KBTBD12: variants seen among roughly 807,000 people sequenced by gnomAD.
The protein encoded by KBTBD12 is kelch repeat and BTB domain containing 12.
A neutral mutation model predicts 58.7 loss-of-function variants in KBTBD12; 53 were observed. The observed-to-expected ratio is 0.90, with a 90% CI of 0.72 to 1.14. The LOEUF is 1.14. KBTBD12 is among the 50% of genes most tolerant of loss of function. The pLI is 0.00. For synonymous variants in KBTBD12, 236 were observed against 259.8 expected (o/e 0.91, Z 0.88); for missense variants, 704 against 751.3 (o/e 0.94, Z 0.74).
At chr3:127,924,363 A>G (rs1011662799) in intron 2 of KBTBD12, among the ~76,000 whole-genome samples, 31 of 148,446 alleles carry the variant, frequency 2.1e-4, no homozygotes, top group Non-Finnish European at 5.9e-5. Context: ...ATAAAAATAT[A>G]TAAATATATA....
At chr3:127,960,780 G>A (rs1223224863) in intron 4 of KBTBD12, among the ~76,000 whole-genome samples, 1 of 152,230 alleles carries the variant, frequency 6.6e-6, no homozygotes, top group Non-Finnish European at 1.5e-5. Flanking sequence ...CACTCCTTGA[G>A]TGGAGCGTGT....
At chr3:127,962,504 C>T (rs1277737995) in intron 4 of KBTBD12, among the ~76,000 whole-genome samples, 1 of 152,202 alleles carries the variant, frequency 6.6e-6, no homozygotes, top group Non-Finnish European at 1.5e-5. Context: ...AAACACGGCC[C>T]TTTCCATCCT....
At chr3:127,959,274 C>T (rs1376927404) in intron 4 of KBTBD12, among the ~76,000 whole-genome samples, 1 of 152,200 alleles carries the variant, frequency 6.6e-6, no homozygotes, top group African/African-American at 2.4e-5. Context: ...ATTGCAAAAT[C>T]CTTTTCTATT....
At chr3:127,952,684 C>T (rs1428502640) in intron 4 of KBTBD12, among the ~76,000 whole-genome samples, 1 of 152,186 alleles carries the variant, frequency 6.6e-6, no homozygotes, top group Non-Finnish European at 1.5e-5. Flanking sequence ...AATACTCAGA[C>T]ACTTGTTTTA....
At position 127,942,222 on chromosome 3, in the gene KBTBD12, T is replaced by A. The variant is rs1207259253; in HGVS notation, c.1492+11939T>A. Among the ~76,000 whole-genome samples, 3 of 152,324 alleles carry A rather than the reference T, an allele frequency of 2.0e-5. No homozygotes were observed. In the East Asian group the frequency reaches 5.8e-4, roughly 29 times the overall value. ...ATACAACATATTTTGATATACATAG[T>A]CAAAAGATTACTATAATCAAGCTAA... is the stretch of plus-strand genomic sequence containing the variant. On this transcript the variant is annotated intron_variant, in intron 4 of 5. Coordinates refer to ENST00000405109, the MANE Select transcript of KBTBD12 (RefSeq NM_207335.4).
At chr3:127,970,378 GGTTGACACAGA>G (rs1940661038) in intron 5 of KBTBD12, among the ~76,000 whole-genome samples, 1 of 152,130 alleles carries the variant, frequency 6.6e-6, no homozygotes, top group South Asian at 2.1e-4. Context: ...TTCCTCAAGA[GGTTGACACAGA>G]GTTGCCATAC....
Position 127,923,504 on chromosome 3 carries a change from T to C in KBTBD12, c.443T>C (p.Leu148Ser). The C allele has an allele frequency of 1.9e-6, 3 of 1,611,216 alleles. No homozygotes were observed. The highest frequency in any genetic ancestry group is 2.2e-5 in the South Asian group (2 of 90,850). Residue 148 changes from leucine to serine, a missense_variant, in exon 2 of 6, where the codon TTA becomes TCA. By Grantham distance (145) the Leu-to-Ser change is moderately radical (BLOSUM62 -2). Transcript: ENST00000405109. Reference sequence around the variant, plus strand: ...GCAAAGCAGATTGGAGCTGAAGATTTATCTGATCGATCAAAGAAATATTTA... The same window carrying C: ...GCAAAGCAGATTGGAGCTGAAGATTCATCTGATCGATCAAAGAAATATTTA... Reference protein sequence around the residue: ...YFAKQIGAEDLSDRSKKYLYQ... With the variant: ...YFAKQIGAEDSSDRSKKYLYQ...
intron 4 of KBTBD12, among the ~76,000 whole-genome samples, chr3:127,930,746 T>A (rs1298800185): frequency 6.6e-6 from 1 of 152,178 alleles, no homozygotes; most frequent in African/African-American, 2.4e-5. Flanking sequence ...TATCAAACAA[T>A]TTTCATTTGA....
chr3:127,942,826 G>A (rs1030614422), intron 4 of KBTBD12, among the ~76,000 whole-genome samples: 2 of 151,870 alleles, frequency 1.3e-5, no homozygotes, highest in African/African-American at 4.8e-5. Context: ...GAAGTTCAAG[G>A]ACATGACCTT....
chr3:127,917,570 T>C (rs1429678998), intron 1 of KBTBD12, among the ~76,000 whole-genome samples: 2 of 152,190 alleles, frequency 1.3e-5, no homozygotes, highest in Admixed American at 6.5e-5. Context: ...GTCCCAATGC[T>C]CTAATCCTGC....
rs146867757 is a variant in KBTBD12 at position 127,922,635 on chromosome 3, G to A, written c.-112-315G>A. Among the ~76,000 whole-genome samples the A allele has an allele frequency of 1.5e-3, 222 of 152,202 alleles. 2 individuals are homozygous for A. The highest frequency in any genetic ancestry group is 5.1e-3 in the African/African-American group (211 of 41,546). ...TATACCCTCTGCCTGCAGGTCAGCT[G>A]TATTTGGTAACTGGAAATGGAATTG... is the stretch of plus-strand genomic sequence containing the variant. On this transcript the variant is annotated intron_variant, in intron 1 of 5. Coordinates refer to ENST00000405109, the MANE Select transcript of KBTBD12 (RefSeq NM_207335.4).
At chr3:127,963,136 A>G (rs750318287) in intron 4 of KBTBD12, 53 bp from the exon 5 acceptor site, 73 of 1,467,520 alleles carry the variant, frequency 5.0e-5, no homozygotes, top group Non-Finnish European at 5.0e-5. Flanking sequence ...AGTGCTGTCC[A>G]CAATTGAGTT....
chr3:127,963,086 T>A, intron 4 of KBTBD12, 103 bp from the exon 5 acceptor site: 4 of 1,025,290 alleles, frequency 3.9e-6, no homozygotes, highest in Non-Finnish European at 5.6e-6. Context: ...AGAGAAAAGT[T>A]ACAGTCCCAT....
chr3:127,963,442 T>C, intron 5 of KBTBD12, 56 bp downstream of exon 5: 1 of 1,436,286 alleles, frequency 7.0e-7, no homozygotes, highest in Non-Finnish European at 9.4e-7. Flanking sequence ...TTTGACTTTC[T>C]TTAACTGATC....
chr3:127,980,967 CCA>C (rs3073941), intron 5 of KBTBD12, among the ~76,000 whole-genome samples: 32,540 of 152,044 alleles, frequency 0.21, 4,198 homozygotes, highest in South Asian at 0.41. Flanking sequence ...GCCAATCTGA[CCA>C]CACCAGCTTC....
Position 127,927,905 on chromosome 3 carries a change from CTG to C in KBTBD12, c.1216_1217del (p.Val406Ter). 1 of 1,613,446 alleles carries C rather than the reference CTG, an allele frequency of 6.2e-7. No individual in the cohort carries two copies. The highest frequency in any genetic ancestry group is 8.5e-7 in the Non-Finnish European group (1 of 1,179,550). Reference sequence around the variant, plus strand: ...TTAAAAACCAGTATCTTATTACAAACTGTGTTGATAAGTACTCTGTAGAACGG... The same window carrying C: ...TTAAAAACCAGTATCTTATTACAAACTGTTGATAAGTACTCTGTAGAACGG... ...KIKNQYLITN[C>X]VDKYSVERDN... On this transcript the variant is annotated frameshift_variant, in exon 3 of 6. Coordinates refer to ENST00000405109, the MANE Select transcript of KBTBD12 (RefSeq NM_207335.4). LOFTEE classifies it high-confidence loss of function.
intron 5 of KBTBD12, among the ~76,000 whole-genome samples, chr3:127,971,729 C>T (rs183616522): frequency 6.6e-6 from 1 of 152,302 alleles, no homozygotes; most frequent in East Asian, 1.9e-4. Context: ...CCGCTGTGGG[C>T]AGGGGGATTT....
rs954886073 is a variant in KBTBD12 at position 127,984,274 on chromosome 3, A to C, written c.1868A>C (p.His623Pro). 14 of 1,612,614 alleles carry C rather than the reference A, an allele frequency of 8.7e-6. No homozygotes were observed. Among genetic ancestry groups the C allele is most frequent in the Non-Finnish European group, 1.1e-5 (13 of 1,179,402 alleles). Reference sequence around the variant, plus strand: ...GATTTGGTGGAAGAAGGCAATGAGCACTAAGGTGACCTTGCTGGAGGACCT... The same window carrying C: ...GATTTGGTGGAAGAAGGCAATGAGCCCTAAGGTGACCTTGCTGGAGGACCT... ...PSDLVEEGNE[H>P] The change falls in exon 6 of 6, where the codon CAC (histidine) becomes CCC (proline). Residue 623 changes from histidine (H) to proline (P), a missense_variant. Coordinates refer to ENST00000405109, the MANE Select transcript of KBTBD12 (RefSeq NM_207335.4).
At chr3:127,918,401 T>C (rs540019666) in intron 1 of KBTBD12, among the ~76,000 whole-genome samples, 1 of 152,222 alleles carries the variant, frequency 6.6e-6, no homozygotes, top group South Asian at 2.1e-4. Context: ...CTGACACAGA[T>C]TTACACGTGT....
Sources: gnomAD v4.1 joint callset for allele counts (sites outside exome capture counted in the v4.1 genomes callset) on GRCh38, gnomAD v4.1.1 for gene constraint, MANE v1.5 for transcripts, NCBI Gene and HGNC (gene_info 2026-07-23, HGNC 2026-07-21) for gene names.